RNF152: variants seen among roughly 807,000 people sequenced by gnomAD.
RNF152 encodes the protein E3 ubiquitin-protein ligase RNF152.
In RNF152, 11 loss-of-function variants were observed where a neutral mutation model predicts 12.7. The ratio of observed to expected loss-of-function variants is 0.86; its 90% CI spans 0.54 to 1.43. RNF152 has a LOEUF of 1.43. Among genes scored for constraint, RNF152 ranks in the 40% most tolerant of loss-of-function variants. The pLI is 0.00. For missense variants in RNF152, 255 were observed against 274.8 expected, an observed-to-expected ratio of 0.93 and a Z score of 0.51; for synonymous variants, 113 against 120.3, an observed-to-expected ratio of 0.94 and a Z score of 0.40.
At chr18:61,881,202 G>A (rs183066318) in intron 1 of RNF152, among the ~76,000 whole-genome samples, 2 of 152,230 alleles carry the variant, frequency 1.3e-5, no homozygotes, top group East Asian at 1.9e-4. Flanking sequence ...GTGATCCACC[G>A]CACCCGGCCT....
At chr18:61,872,085 C>T (rs971046384) in intron 1 of RNF152, among the ~76,000 whole-genome samples, 1 of 151,912 alleles carries the variant, frequency 6.6e-6, no homozygotes, top group African/African-American at 2.4e-5. Flanking sequence ...AGGAAACTTA[C>T]AAACATGGTG....
intron 1 of RNF152, among the ~76,000 whole-genome samples, chr18:61,867,944 T>C (rs1222600331): frequency 3.9e-5 from 6 of 152,194 alleles, no homozygotes; most frequent in Admixed American, 2.6e-4. Context: ...AAATTTAACC[T>C]TAAACAAATA....
chr18:61,824,483 G>A lies in RNF152; in HGVS notation c.-135-7885C>T, dbSNP rs534006486. 9.2e-5 allele frequency among the ~76,000 whole-genome samples: 14 copies of A among 152,336 alleles called. 1 individual carries two copies. Among genetic ancestry groups the A allele is most frequent in the South Asian group, 6.2e-4 (3 of 4,824 alleles). On this transcript the variant is annotated intron_variant, in intron 1 of 1. Coordinates refer to ENST00000312828, the MANE Select transcript of RNF152 (RefSeq NM_173557.3). ...TCTGTTAGTGATCTGGCAAGAATGC[G>A]CATTTATGTGAGATGGGGGAGTGGG...
rs1912788601 is a variant in RNF152, at chr18:61,808,385, CT to C, written c.*7466del. On this transcript the variant is annotated 3_prime_UTR_variant, in exon 2 of 2. Coordinates refer to ENST00000312828, the MANE Select transcript of RNF152 (RefSeq NM_173557.3). ...CATTTATCTGTAGGGCTATTTGGCC[CT>C]TAAAAAAAAAAAAAAAAAAAAAAAA... The C allele has an allele frequency of 5.0e-5, 4 of 79,274 alleles. No individual in the cohort carries two copies. Among genetic ancestry groups the C allele is most frequent in the Non-Finnish European group, 7.9e-5 (3 of 37,836 alleles). 4.9% of individuals were successfully genotyped at this position (79,274 alleles called of 1,614,324 possible).
chr18:61,831,922 T>G (rs113858363), intron 1 of RNF152, among the ~76,000 whole-genome samples: 735 of 50,674 alleles, frequency 0.015, 7 homozygotes, highest in African/African-American at 0.031. Flanking sequence ...ATTATGTGTG[T>G]GGGGGGGTGT....
chr18:61,878,905 T>C (rs897894094), intron 1 of RNF152, among the ~76,000 whole-genome samples: 2 of 152,230 alleles, frequency 1.3e-5, no homozygotes, highest in African/African-American at 4.8e-5. Flanking sequence ...ATTCAAATGA[T>C]AGCAGTTCCT....
Position 61,808,561 on chromosome 18 carries a change from G to A in RNF152, c.*7291C>T, listed in dbSNP as rs1912803024. The stretch of plus-strand genomic sequence containing the variant: ...ACCCACCGCTAAAGCCGTAGGGTGG[G>A]AGGAACCCTGGATTGCAGCTACATG... On this transcript the variant is annotated 3_prime_UTR_variant, in exon 2 of 2. Coordinates refer to ENST00000312828, the MANE Select transcript of RNF152 (RefSeq NM_173557.3). 1 of 152,096 alleles carries A rather than the reference G, an allele frequency of 6.6e-6. No homozygotes were observed. The highest frequency in any genetic ancestry group is 1.5e-5 in the Non-Finnish European group (1 of 68,030). The allele number at this position is 152,096 out of a possible 1,614,324, so 9.4% of individuals were successfully genotyped here. A position where few individuals can be genotyped will look rare whatever the true frequency, so the allele number is the denominator to read the frequency against.
At chr18:61,880,263 C>A (rs1217526725) in intron 1 of RNF152, among the ~76,000 whole-genome samples, 1 of 152,162 alleles carries the variant, frequency 6.6e-6, no homozygotes, top group African/African-American at 2.4e-5. Flanking sequence ...AGATGGGTGG[C>A]CAAAATTGTC....
At chr18:61,835,097 A>G (rs1910121379) in intron 1 of RNF152, among the ~76,000 whole-genome samples, 1 of 152,246 alleles carries the variant, frequency 6.6e-6, no homozygotes, top group African/African-American at 2.4e-5. Context: ...AGAAAATGGT[A>G]GCAAGGAAAT....
rs140910064 is a variant in RNF152, at chr18:61,816,135, C to T, written c.329G>A (p.Arg110His). 3.5e-5 allele frequency: 56 copies of T among 1,614,092 alleles called. No homozygotes were observed. The highest frequency in any genetic ancestry group is 1.6e-4 in the African/African-American group (12 of 74,944). ...GCCCATGTCTCCGGGCAGCAGCGCACGCTCCTTGGAGATGGGCAGGGGCAG... is the reference window on the plus strand; with the variant it reads ...GCCCATGTCTCCGGGCAGCAGCGCATGCTCCTTGGAGATGGGCAGGGGCAG... ...YMLPLPISKE[R>H]ALLPGDMGCR... The change falls in exon 2 of 2, where the codon CGT (arginine) becomes CAT (histidine). Residue 110 changes from arginine (R) to histidine (H), a missense_variant. Physicochemically the swap from Arg to His is conservative, Grantham distance 29 (BLOSUM62 0). Coordinates refer to ENST00000312828, the MANE Select transcript of RNF152 (RefSeq NM_173557.3).
chr18:61,823,709 G>A (rs1327909512), intron 1 of RNF152, among the ~76,000 whole-genome samples: 1 of 152,242 alleles, frequency 6.6e-6, no homozygotes, highest in Non-Finnish European at 1.5e-5. Flanking sequence ...ATGGGACAGA[G>A]AGAATAATAC....
intron 1 of RNF152, among the ~76,000 whole-genome samples, chr18:61,887,542 C>A (rs552169159): frequency 1.3e-5 from 2 of 152,112 alleles, no homozygotes; most frequent in African/African-American, 4.8e-5. Flanking sequence ...CATGATGAAA[C>A]CCTGTCTCTA....
intron 1 of RNF152, among the ~76,000 whole-genome samples, chr18:61,861,253 T>G (rs1044551637): frequency 1.3e-5 from 2 of 152,214 alleles, no homozygotes; most frequent in Non-Finnish European, 2.9e-5. Context: ...CAAGCTCCAT[T>G]CATGCTAAGT....
At chr18:61,886,297 CAA>C (rs1349987067) in intron 1 of RNF152, among the ~76,000 whole-genome samples, 2 of 152,098 alleles carry the variant, frequency 1.3e-5, no homozygotes, top group Non-Finnish European at 2.9e-5. Context: ...TCTGTGTTGT[CAA>C]AGAGTCACCA....
chr18:61,828,424 CA>C (rs1909772158), intron 1 of RNF152, among the ~76,000 whole-genome samples: 1 of 151,310 alleles, frequency 6.6e-6, no homozygotes, highest in African/African-American at 2.4e-5. Context: ...GCTACTTTTC[CA>C]AAAAACATTT....
At chr18:61,842,492 C>G (rs944889979) in intron 1 of RNF152, among the ~76,000 whole-genome samples, 1 of 152,204 alleles carries the variant, frequency 6.6e-6, no homozygotes, top group Admixed American at 6.5e-5. Context: ...TCCCTGGAGA[C>G]TTGTTTTCAC....
At chr18:61,857,556 C>T (rs533610045) in intron 1 of RNF152, among the ~76,000 whole-genome samples, 3 of 152,236 alleles carry the variant, frequency 2.0e-5, no homozygotes, top group East Asian at 3.9e-4. Flanking sequence ...GTTGTTATTG[C>T]TATAATTTTT....
At chr18:61,850,927 C>T (rs1444809523) in intron 1 of RNF152, among the ~76,000 whole-genome samples, 2 of 151,934 alleles carry the variant, frequency 1.3e-5, no homozygotes, top group African/African-American at 2.4e-5. Flanking sequence ...TCTGGGCACA[C>T]GGAAATGCCC....
At position 61,843,449 on chromosome 18, in the gene RNF152, A is replaced by G. The variant is rs111581811; in HGVS notation, c.-135-26851T>C. Among the ~76,000 whole-genome samples, 548 of 152,334 alleles carry G rather than the reference A, an allele frequency of 3.6e-3. 8 individuals are homozygous for G. The highest frequency in any genetic ancestry group is 0.012 in the African/African-American group (509 of 41,572). On this transcript the variant is annotated intron_variant, in intron 1 of 1. Coordinates refer to ENST00000312828, the MANE Select transcript of RNF152 (RefSeq NM_173557.3). ...CTATCATCCAGCAATTCCACCTCTG[A>G]GTATTTACCCTAAAAAATTGAAAGC...
Sources: gnomAD v4.1 joint callset for allele counts (sites outside exome capture counted in the v4.1 genomes callset) on GRCh38, gnomAD v4.1.1 for gene constraint, MANE v1.5 for transcripts, NCBI Gene and HGNC (gene_info 2026-07-23, HGNC 2026-07-21) for gene names.